Variants in DLGAP4 observed in about 807,000 individuals in gnomAD.
DLGAP4 encodes disks large-associated protein 4.
Under a neutral mutation model 86.9 loss-of-function variants are expected in DLGAP4, and 18 were observed. That is an observed-to-expected ratio of 0.21 (90% CI 0.14 to 0.31). The LOEUF (loss-of-function observed/expected upper bound fraction) is 0.31, where lower values mean the gene tolerates loss of function less well. Ranked by LOEUF, DLGAP4 falls within the 10% of genes least tolerant of loss-of-function variation. The pLI is 1.00. For synonymous variants in DLGAP4, 548 were observed against 574.3 expected (o/e 0.95, Z 0.65); for missense variants, 1,085 against 1,362.6 (o/e 0.80, Z 3.21).
intron 10 of DLGAP4, chr20:36,510,993 G>A (rs1336833521): frequency 6.6e-6 from 1 of 152,180 alleles, no homozygotes; most frequent in African/African-American, 2.4e-5. Context: ...TATAGAATTT[G>A]TATATCAAGT....
intron 2 of DLGAP4, among the ~76,000 whole-genome samples, chr20:36,379,982 G>A (rs2031312262): frequency 6.6e-6 from 1 of 152,120 alleles, no homozygotes; most frequent in African/African-American, 2.4e-5. Flanking sequence ...AGGAATTTGA[G>A]ACCAGCCTGG....
intron 7 of DLGAP4, among the ~76,000 whole-genome samples, chr20:36,488,599 G>GACAGGGTCTCAAAAACA (rs2035524095): frequency 6.7e-6 from 1 of 148,554 alleles, no homozygotes; most frequent in Non-Finnish European, 1.5e-5. Flanking sequence ...TTTTTTTTGA[G>GACAGGGTCTCAAAAACA]ACAGGGTCTC....
chr20:36,522,340 C>T (rs1009690437), intron 10 of DLGAP4, among the ~76,000 whole-genome samples: 6 of 151,876 alleles, frequency 4.0e-5, no homozygotes, highest in African/African-American at 1.2e-4. Flanking sequence ...TGAATTTTTT[C>T]ATAGAGAGAG....
At chr20:36,453,778 C>G (rs943380685) in intron 7 of DLGAP4, among the ~76,000 whole-genome samples, 1 of 150,344 alleles carries the variant, frequency 6.7e-6, no homozygotes, top group African/African-American at 2.4e-5. Context: ...GCTAAAAATA[C>G]AAAAATTAGC....
intron 2 of DLGAP4, among the ~76,000 whole-genome samples, chr20:36,373,733 A>G (rs1555895249): frequency 6.6e-6 from 1 of 152,178 alleles, no homozygotes; most frequent in Non-Finnish European, 1.5e-5. Context: ...AAACAATGCA[A>G]CTATTGAAAG....
At chr20:36,358,012 T>A (rs781966905) in intron 1 of DLGAP4, among the ~76,000 whole-genome samples, 2 of 152,188 alleles carry the variant, frequency 1.3e-5, no homozygotes, top group Non-Finnish European at 2.9e-5. Flanking sequence ...AAGAAGCAAC[T>A]GTGGTGGATT....
intron 2 of DLGAP4, among the ~76,000 whole-genome samples, chr20:36,422,236 C>G (rs1306784739): frequency 1.3e-5 from 2 of 152,156 alleles, no homozygotes; most frequent in African/African-American, 4.8e-5. Context: ...GCTATGTACA[C>G]CCCCAGAATG....
At chr20:36,438,199 C>T (rs531118095) in intron 4 of DLGAP4, among the ~76,000 whole-genome samples, 59 of 152,160 alleles carry the variant, frequency 3.9e-4, no homozygotes, top group African/African-American at 1.4e-3. Flanking sequence ...CATGGCGAAA[C>T]CGCATCTCTA....
intron 7 of DLGAP4, among the ~76,000 whole-genome samples, chr20:36,477,936 T>A (rs2035018599): frequency 6.6e-6 from 1 of 152,202 alleles, no homozygotes. Context: ...GTTGCAGCTT[T>A]TTAAGGTTTC....
intron 2 of DLGAP4, among the ~76,000 whole-genome samples, chr20:36,392,045 T>C (rs1346797547): frequency 1.3e-5 from 2 of 152,174 alleles, no homozygotes; most frequent in African/African-American, 2.4e-5. Flanking sequence ...GCCTGGGTGA[T>C]AGGCAGGGAG....
At chr20:36,357,461 T>G (rs2030367814) in intron 1 of DLGAP4, among the ~76,000 whole-genome samples, 1 of 152,124 alleles carries the variant, frequency 6.6e-6, no homozygotes, top group Non-Finnish European at 1.5e-5. Flanking sequence ...TGCAATACAA[T>G]ATTTCTGCCT....
intron 7 of DLGAP4, among the ~76,000 whole-genome samples, chr20:36,467,239 A>T (rs979242178): frequency 1.8e-4 from 28 of 152,228 alleles, no homozygotes; most frequent in African/African-American, 5.1e-4. Context: ...GCTGAGGAAA[A>T]GCATTGTCTG....
At chr20:36,410,200 C>T (rs2032459478) in intron 2 of DLGAP4, among the ~76,000 whole-genome samples, 1 of 152,078 alleles carries the variant, frequency 6.6e-6, no homozygotes, top group Admixed American at 6.6e-5. Context: ...CTGTCAGTGC[C>T]CTGCCTCTAC....
chr20:36,524,038 A>G (rs866160598), intron 10 of DLGAP4, among the ~76,000 whole-genome samples: 1 of 152,364 alleles, frequency 6.6e-6, no homozygotes. Flanking sequence ...TTGCCATAAC[A>G]TATCCTCAGG....
At chr20:36,518,300 T>C (rs1255163588) in intron 10 of DLGAP4, among the ~76,000 whole-genome samples, 1 of 152,172 alleles carries the variant, frequency 6.6e-6, no homozygotes, top group Non-Finnish European at 1.5e-5. Flanking sequence ...CTAGTATAGC[T>C]ATATCACATT....
chr20:36,516,810 G>T (rs1287024023), intron 10 of DLGAP4, among the ~76,000 whole-genome samples: 1 of 152,016 alleles, frequency 6.6e-6, no homozygotes, highest in Non-Finnish European at 1.5e-5. Context: ...TCTGTGTATG[G>T]CTGGGCGTAG....
chr20:36,342,733 T>C (rs2065396497), intron 1 of DLGAP4, among the ~76,000 whole-genome samples: 1 of 152,144 alleles, frequency 6.6e-6, no homozygotes, highest in Non-Finnish European at 1.5e-5. Flanking sequence ...CTGAGGCCCA[T>C]GGAGGGGCCT....
intron 1 of DLGAP4, among the ~76,000 whole-genome samples, chr20:36,363,247 GA>G (rs1309425590): frequency 6.6e-6 from 1 of 152,204 alleles, no homozygotes; most frequent in East Asian, 1.9e-4. Context: ...GCAGGTGGGG[GA>G]GGGAACCAGA....
intron 5 of DLGAP4, among the ~76,000 whole-genome samples, chr20:36,442,355 C>T (rs908848485): frequency 3.3e-5 from 5 of 152,272 alleles, no homozygotes; most frequent in South Asian, 4.1e-4. Flanking sequence ...CCACCATGCC[C>T]GGCTAATTTT....
Sources: allele counts gnomAD v4.1 joint callset (sites outside exome capture counted in the v4.1 genomes callset), GRCh38; gene constraint gnomAD v4.1.1; transcripts MANE v1.5; gene names NCBI Gene and HGNC (gene_info 2026-07-23, HGNC 2026-07-21).